Variants in SAMD12 observed in about 807,000 individuals in gnomAD.
The protein encoded by SAMD12 is sterile alpha motif domain containing 12, also known as sterile alpha motif domain-containing protein 12.
In SAMD12, 9 loss-of-function variants were observed where a neutral mutation model predicts 15.0. That is an observed-to-expected ratio of 0.60 (90% CI 0.36 to 1.05). The LOEUF is 1.05. SAMD12 is among the 50% of genes least tolerant of loss of function. The pLI is 0.01. For missense variants in SAMD12, 230 were observed against 234.2 expected (o/e 0.98, Z 0.12); for synonymous variants, 86 against 90.1 (o/e 0.96, Z 0.25).
rs752080938 is a variant in SAMD12, at chr8:118,621,957, G to A, written c.-141C>T. On this transcript the variant is annotated 5_prime_UTR_variant, in exon 1 of 4. Transcript: ENST00000314727. ...GACCAACCTGCCGCGGTCACGCAAA[G>A]CGAGGCAGCCGGCTCCCGGCTCGGC... 5 of 1,052,790 alleles carry A rather than the reference G, an allele frequency of 4.7e-6. No homozygotes were observed. The African/African-American group carries it at 7.8e-5, about 16-fold the overall frequency. 65.2% of individuals were successfully genotyped at this position (1,052,790 alleles called of 1,614,324 possible). A position where few individuals can be genotyped will look rare whatever the true frequency, so the allele number is the denominator to read the frequency against.
chr8:118,479,478 G>A (rs917213479), intron 2 of SAMD12, among the ~76,000 whole-genome samples: 1 of 152,248 alleles, frequency 6.6e-6, no homozygotes. Flanking sequence ...ATCAGGTCTT[G>A]TGAGATTTAT....
chr8:118,303,743 C>G (rs1041439651), intron 4 of SAMD12, among the ~76,000 whole-genome samples: 1 of 152,044 alleles, frequency 6.6e-6, no homozygotes, highest in African/African-American at 2.4e-5. Flanking sequence ...GTGCTGCCAT[C>G]ATCAATGTTG....
Position 118,324,063 on chromosome 8 carries a change from A to G in SAMD12, c.433+55497T>C, listed in dbSNP as rs191622237. On this transcript the variant is annotated intron_variant, in intron 4 of 4. Transcript: ENST00000409003. ...CCCATTACCCAAAGAAAGCTCATTC[A>G]TTTTTGCCGATTCCTTCTAACTTTT... Among the ~76,000 whole-genome samples the G allele has an allele frequency of 1.5e-3, 222 of 152,298 alleles. 1 individual carries two copies. Among genetic ancestry groups the G allele is most frequent in the Non-Finnish European group, 1.7e-3 (113 of 68,018 alleles).
At chr8:118,463,049 C>T (rs992347721) in intron 2 of SAMD12, among the ~76,000 whole-genome samples, 2 of 131,660 alleles carry the variant, frequency 1.5e-5, no homozygotes, top group African/African-American at 2.9e-5. Flanking sequence ...TGCAGTGAGT[C>T]GAGATCGCGC....
At chr8:118,273,715 A>G (rs1813416972) in intron 4 of SAMD12, among the ~76,000 whole-genome samples, 2 of 152,190 alleles carry the variant, frequency 1.3e-5, no homozygotes, top group African/African-American at 4.8e-5. Flanking sequence ...GGGTTGATTC[A>G]ATCCAGTGAA....
intron 2 of SAMD12, among the ~76,000 whole-genome samples, chr8:118,580,465 A>G (rs1827264836): frequency 6.6e-6 from 1 of 152,174 alleles, no homozygotes; most frequent in Non-Finnish European, 1.5e-5. Flanking sequence ...CTTCAAGTCC[A>G]GGGCATTCTT....
At chr8:118,336,279 G>A (rs867744050) in intron 4 of SAMD12, among the ~76,000 whole-genome samples, 6 of 152,130 alleles carry the variant, frequency 3.9e-5, no homozygotes, top group East Asian at 1.9e-4. Flanking sequence ...TCATTTTCTC[G>A]AAAGCTTAGA....
chr8:118,550,644 C>T (rs2131178938), intron 2 of SAMD12, among the ~76,000 whole-genome samples: 1 of 152,016 alleles, frequency 6.6e-6, no homozygotes, highest in African/African-American at 2.4e-5. Flanking sequence ...AACCAGCTAA[C>T]ATCATAATGA....
the SAMD12 span, among the ~76,000 whole-genome samples, chr8:118,147,901 A>T: frequency 7.9e-3 from 1,147 of 146,016 alleles, 17 homozygotes; most frequent in African/African-American, 0.028. Flanking sequence ...TCCTTGCTGA[A>T]TTTTTTTTTT....
chr8:118,621,637 A>G, intron 1 of SAMD12, 167 bp downstream of exon 1: 1 of 715,508 alleles, frequency 1.4e-6, no homozygotes, highest in South Asian at 1.7e-5. Flanking sequence ...TAAAGCGCCT[A>G]CTGGCCTTGG....
intron 2 of SAMD12, among the ~76,000 whole-genome samples, chr8:118,537,025 T>C (rs969414577): frequency 9.9e-5 from 15 of 152,210 alleles, no homozygotes; most frequent in African/African-American, 1.7e-4. Context: ...GCCTTCATGT[T>C]GGAAGGATAT....
At chr8:118,366,158 C>A (rs1325840025) in intron 4 of SAMD12, among the ~76,000 whole-genome samples, 1 of 152,172 alleles carries the variant, frequency 6.6e-6, no homozygotes, top group Non-Finnish European at 1.5e-5. Context: ...GAGCTCTTAA[C>A]ACTTTGGCAA....
the SAMD12 span, among the ~76,000 whole-genome samples, chr8:118,173,777 G>A: frequency 2.6e-5 from 4 of 151,480 alleles, no homozygotes; most frequent in African/African-American, 9.7e-5. Context: ...CTATAGGCAC[G>A]TGCCACCACA....
intron 4 of SAMD12, among the ~76,000 whole-genome samples, chr8:118,233,566 C>A (rs1367417897): frequency 6.6e-6 from 1 of 152,120 alleles, no homozygotes; most frequent in African/African-American, 2.4e-5. Flanking sequence ...CATTCCTGAG[C>A]TCCCAGGTAG....
the SAMD12 span, among the ~76,000 whole-genome samples, chr8:118,133,504 C>T: frequency 1.3e-5 from 2 of 152,124 alleles, no homozygotes; most frequent in Non-Finnish European, 2.9e-5. Flanking sequence ...CCCACATCCC[C>T]ATTTGATCTT....
At chr8:118,526,945 A>G (rs930349252) in intron 2 of SAMD12, among the ~76,000 whole-genome samples, 1 of 152,240 alleles carries the variant, frequency 6.6e-6, no homozygotes, top group Admixed American at 6.5e-5. Flanking sequence ...TGCACTAGTC[A>G]TATCAAACAA....
At chr8:118,569,961 T>G (rs1328150714) in intron 2 of SAMD12, among the ~76,000 whole-genome samples, 1 of 152,250 alleles carries the variant, frequency 6.6e-6, no homozygotes. Flanking sequence ...ACTTGGCACC[T>G]GGTGATCCAA....
intron 1 of SAMD12, among the ~76,000 whole-genome samples, chr8:118,609,376 T>C (rs574303284): frequency 1.3e-5 from 2 of 152,214 alleles, no homozygotes; most frequent in Non-Finnish European, 2.9e-5. Flanking sequence ...TTTACTATCA[T>C]CTGTAGTCAA....
chr8:118,532,756 T>C (rs1188088287), intron 2 of SAMD12, among the ~76,000 whole-genome samples: 1 of 152,212 alleles, frequency 6.6e-6, no homozygotes, highest in Non-Finnish European at 1.5e-5. Context: ...CTGATGGTAG[T>C]TTGTATTTCT....
Sources: allele counts gnomAD v4.1 joint callset (sites outside exome capture counted in the v4.1 genomes callset), GRCh38; gene constraint gnomAD v4.1.1; transcripts MANE v1.5; gene names NCBI Gene and HGNC (gene_info 2026-07-23, HGNC 2026-07-21).